CERT1: variants seen among roughly 807,000 people sequenced by gnomAD.
The protein encoded by CERT1 is ceramide transporter 1.
In CERT1, 31 loss-of-function variants were observed where a neutral mutation model predicts 87.9. That is an observed-to-expected ratio of 0.35 (90% CI 0.27 to 0.48). CERT1 has a LOEUF of 0.48. Ranked by LOEUF, CERT1 falls within the 20% of genes least tolerant of loss-of-function variation. CERT1 has a pLI of 0.99. For synonymous variants in CERT1, 289 were observed against 250.9 expected, an observed-to-expected ratio of 1.15 and a Z score of -1.44; for missense variants, 487 against 758.0, an observed-to-expected ratio of 0.64 and a Z score of 4.20.
chr5:75,506,189 G>A, intron 1 of CERT1, 73 bp from the exon 2 acceptor site: 1 of 1,426,822 alleles, frequency 7.0e-7, no homozygotes, highest in East Asian at 2.4e-5. Flanking sequence ...CAAACTTTGT[G>A]AAACAGCAAT....
At chr5:75,434,929 C>G (rs1377710366) in intron 3 of CERT1, among the ~76,000 whole-genome samples, 1 of 151,908 alleles carries the variant, frequency 6.6e-6, no homozygotes, top group African/African-American at 2.4e-5. Context: ...TTCCAAAGAA[C>G]CAAGTTTTCA....
At position 75,443,597 on chromosome 5, in the gene CERT1, C is replaced by G. The variant is rs186012186; in HGVS notation, c.348+15468G>C. ...TTTAATCTGTGTCCTAATACATGATCTAACCTAGAAAATGTCCCATGTGTA... is the reference window on the plus strand; with the variant it reads ...TTTAATCTGTGTCCTAATACATGATGTAACCTAGAAAATGTCCCATGTGTA... On this transcript the variant is annotated intron_variant, in intron 3 of 16. Coordinates refer to ENST00000643780, the MANE Select transcript of CERT1 (RefSeq NM_001379029.1). Among the ~76,000 whole-genome samples the G allele has an allele frequency of 8.9e-4, 135 of 152,286 alleles. 1 individual carries two copies. The highest frequency in any genetic ancestry group is 2.7e-3 in the African/African-American group (113 of 41,566).
chr5:75,452,109 C>T (rs1764791112), intron 3 of CERT1, among the ~76,000 whole-genome samples: 1 of 152,164 alleles, frequency 6.6e-6, no homozygotes, highest in Admixed American at 6.6e-5. Context: ...TTTCAAAGTT[C>T]ATTGATGCTT....
In CERT1 at chr5:75,419,369, CAAG is replaced by C. The variant is rs1450727372; in HGVS notation, c.648_650del (p.Phe216del). The C allele has an allele frequency of 6.2e-7, 1 of 1,612,700 alleles. No individual in the cohort carries two copies. Among genetic ancestry groups the C allele is most frequent in the Non-Finnish European group, 8.5e-7 (1 of 1,178,974 alleles). On this transcript the variant is annotated inframe_deletion, in exon 6 of 17. Transcript: ENST00000643780. ...TTTCTTTATTGCCGTTGGTACTATG[CAAG>C]AAGTCACCATCAGAACGCGTTGTAG...
chr5:75,487,666 T>G (rs1766587259), intron 2 of CERT1, among the ~76,000 whole-genome samples: 1 of 151,928 alleles, frequency 6.6e-6, no homozygotes, highest in African/African-American at 2.4e-5. Context: ...GGTTGAAAGA[T>G]CTGAATAGAC....
intron 7 of CERT1, 24 bp downstream of exon 7, chr5:75,416,851 TA>T: frequency 6.4e-7 from 1 of 1,559,966 alleles, no homozygotes; most frequent in Non-Finnish European, 8.6e-7. Context: ...TGATTATTTT[TA>T]AAAGGAAAAA....
chr5:75,388,542 C>T (rs907302951), intron 12 of CERT1, among the ~76,000 whole-genome samples: 3 of 144,088 alleles, frequency 2.1e-5, no homozygotes, highest in African/African-American at 7.5e-5. Flanking sequence ...TTCTCCACCA[C>T]TCATCTGTAC....
At chr5:75,405,877 G>A (rs941786384) in intron 8 of CERT1, among the ~76,000 whole-genome samples, 2 of 150,242 alleles carry the variant, frequency 1.3e-5, no homozygotes, top group African/African-American at 2.5e-5. Context: ...GTTACTGGGG[G>A]GGGGGGGGGT....
At chr5:75,494,376 T>G (rs1028773998) in intron 2 of CERT1, among the ~76,000 whole-genome samples, 1 of 152,138 alleles carries the variant, frequency 6.6e-6, no homozygotes, top group Non-Finnish European at 1.5e-5. Context: ...AGTTTGGAAG[T>G]TGGGGAATAG....
At chr5:75,460,032 G>C (rs373849665) in intron 2 of CERT1, among the ~76,000 whole-genome samples, 1 of 150,282 alleles carries the variant, frequency 6.7e-6, no homozygotes, top group East Asian at 2.0e-4. Context: ...TCGAACTCCT[G>C]GCCTTAAACA....
intron 2 of CERT1, among the ~76,000 whole-genome samples, chr5:75,488,780 C>T (rs1766642997): frequency 6.6e-6 from 1 of 152,266 alleles, no homozygotes; most frequent in East Asian, 1.9e-4. Context: ...AACAGTTTTA[C>T]TGTTCACAGT....
intron 4 of CERT1, 65 bp from the exon 5 acceptor site, chr5:75,425,564 T>A (rs936230678): frequency 6.5e-7 from 1 of 1,526,938 alleles, no homozygotes; most frequent in Non-Finnish European, 9.0e-7. Context: ...TGTGGTCCTA[T>A]GGTATTTCAT....
At chr5:75,469,622 A>G (rs1765624582) in intron 2 of CERT1, among the ~76,000 whole-genome samples, 1 of 152,188 alleles carries the variant, frequency 6.6e-6, no homozygotes, top group African/African-American at 2.4e-5. Flanking sequence ...ATAAATATAA[A>G]GCAAGGAATC....
In CERT1 at chr5:75,390,416, T is replaced by G. The variant is rs1399430412; in HGVS notation, c.1189-729A>C. 5.3e-5 allele frequency among the ~76,000 whole-genome samples: 8 copies of G among 152,252 alleles called. No homozygotes were observed. The East Asian group carries it at 1.5e-3, about 29-fold the overall frequency. On this transcript the variant is annotated intron_variant, in intron 11 of 16. Coordinates refer to ENST00000643780, the MANE Select transcript of CERT1 (RefSeq NM_001379029.1). Reference sequence around the variant, plus strand: ...GCATTTACATATAATCACCTTTTAGTTCATTCTTTTAAAATTTCTAATAAT... The same window carrying G: ...GCATTTACATATAATCACCTTTTAGGTCATTCTTTTAAAATTTCTAATAAT...
intron 2 of CERT1, among the ~76,000 whole-genome samples, chr5:75,493,891 AT>A (rs1183757975): frequency 6.6e-6 from 1 of 152,074 alleles, no homozygotes; most frequent in East Asian, 1.9e-4. Context: ...AATGTCTATA[AT>A]TCTACCTTCT....
chr5:75,396,138 C>T (rs1256533038), intron 11 of CERT1, among the ~76,000 whole-genome samples: 4 of 152,066 alleles, frequency 2.6e-5, no homozygotes, highest in African/African-American at 9.7e-5. Context: ...TAGTCATGAG[C>T]CAACACTTAT....
At position 75,381,701 on chromosome 5, in the gene CERT1, T is replaced by C. The variant is rs144926193; in HGVS notation, c.1617+248A>G. On this transcript the variant is annotated intron_variant, in intron 15 of 16. Transcript: ENST00000643780. ...GTAGCCTACTGCCCAGTGTATGTAC[T>C]GCCCTTTTGGCTGTTTCACGAAACA... 2.0e-4 allele frequency among the ~76,000 whole-genome samples: 30 copies of C among 152,154 alleles called. No individual in the cohort carries two copies. In the East Asian group the frequency reaches 5.4e-3, roughly 27 times the overall value.
At chr5:75,416,847 T>C in intron 7 of CERT1, 29 bp downstream of exon 7, 1 of 1,548,476 alleles carries the variant, frequency 6.5e-7, no homozygotes, top group Non-Finnish European at 8.7e-7. Flanking sequence ...AATGTGATTA[T>C]TTTTAAAAGG....
downstream of CERT1, chr5:75,373,892 C>T: frequency 2.5e-6 from 1 of 392,840 alleles, no homozygotes; most frequent in Non-Finnish European, 4.5e-6. Flanking sequence ...GCATCAATTC[C>T]TAGTTGTGAT....
Sources: allele counts gnomAD v4.1 joint callset (sites outside exome capture counted in the v4.1 genomes callset), GRCh38; gene constraint gnomAD v4.1.1; transcripts MANE v1.5; gene names NCBI Gene and HGNC (gene_info 2026-07-23, HGNC 2026-07-21).